The following GRAMD2B variants were observed in gnomAD, a reference collection of about 807,000 sequenced individuals.
GRAMD2B encodes GRAM domain-containing protein 2B.
Under a neutral mutation model 59.2 loss-of-function variants are expected in GRAMD2B, and 41 were observed. The observed-to-expected ratio is 0.69, with a 90% CI of 0.54 to 0.90. The LOEUF (loss-of-function observed/expected upper bound fraction) is 0.90, where lower values mean the gene tolerates loss of function less well. GRAMD2B is among the 40% of genes least tolerant of loss of function. GRAMD2B has a pLI of 0.00. For missense variants in GRAMD2B, 424 were observed against 500.5 expected (o/e 0.85, Z 1.46); for synonymous variants, 161 against 182.7 (o/e 0.88, Z 0.96).
chr5:126,423,549 G>A lies in GRAMD2B; in HGVS notation c.-58G>A. ...CGCACCCGGACCTAGAAGCCGGGAC[G>A]AGCCGGGGCAGAGCCAGGCGCGCGG... On this transcript the variant is annotated 5_prime_UTR_variant, in exon 1 of 14. Transcript: ENST00000285689. 6.3e-7 allele frequency: 1 copy of A among 1,579,552 alleles called. No individual in the cohort carries two copies. Among genetic ancestry groups the A allele is most frequent in the Non-Finnish European group, 8.6e-7 (1 of 1,164,458 alleles).
At chr5:126,435,048 G>C (rs369851534) in intron 1 of GRAMD2B, among the ~76,000 whole-genome samples, 17 of 152,272 alleles carry the variant, frequency 1.1e-4, no homozygotes, top group African/African-American at 3.9e-4. Context: ...ACTTTTATGT[G>C]CTATATCTTC....
At chr5:126,437,291 T>C (rs935606319) in intron 1 of GRAMD2B, among the ~76,000 whole-genome samples, 20 of 152,006 alleles carry the variant, frequency 1.3e-4, no homozygotes, top group African/African-American at 4.8e-4. Context: ...GGAAATAAAA[T>C]TGGAAGGACC....
intron 1 of GRAMD2B, among the ~76,000 whole-genome samples, chr5:126,452,617 C>A (rs1423640821): frequency 6.6e-6 from 1 of 152,170 alleles, no homozygotes; most frequent in African/African-American, 2.4e-5. Context: ...CACTCTATTC[C>A]TTATCATTCT....
chr5:126,462,283 A>G, intron 1 of GRAMD2B: 1 of 205,132 alleles, frequency 4.9e-6, no homozygotes, highest in Non-Finnish European at 8.6e-6. Context: ...TAAAGTTACT[A>G]AGTGGCCTGG....
At chr5:126,463,918 C>T (rs985004576) in intron 1 of GRAMD2B, among the ~76,000 whole-genome samples, 11 of 151,986 alleles carry the variant, frequency 7.2e-5, no homozygotes, top group African/African-American at 2.7e-4. Flanking sequence ...ACTTGGGAGG[C>T]TGAGGCAGGA....
chr5:126,484,617 A>G (rs62394186), intron 10 of GRAMD2B, 93 bp downstream of exon 10: 27,320 of 1,314,878 alleles, frequency 0.021, 341 homozygotes, highest in Middle Eastern at 0.035. Context: ...ATCTTGCTCT[A>G]TCACCCAGGC....
At chr5:126,460,150 G>A (rs1249205628) in intron 1 of GRAMD2B, among the ~76,000 whole-genome samples, 1 of 152,080 alleles carries the variant, frequency 6.6e-6, no homozygotes, top group Non-Finnish European at 1.5e-5. Context: ...AAAAAGCAAG[G>A]TGCAGAATAG....
At chr5:126,395,129 G>T (rs1173894047) in intron 1 of GRAMD2B, among the ~76,000 whole-genome samples, 2 of 151,868 alleles carry the variant, frequency 1.3e-5, no homozygotes, top group African/African-American at 4.8e-5. Context: ...CAGAAAAATA[G>T]AATAATAATG....
chr5:126,492,870 C>T (rs1291062821), intron 13 of GRAMD2B, 45 bp from the exon 14 acceptor site: 1 of 1,244,946 alleles, frequency 8.0e-7, no homozygotes. Context: ...CCTTAATATA[C>T]TCCATTCTAT....
chr5:126,430,270 A>G (rs1761351950), intron 1 of GRAMD2B, among the ~76,000 whole-genome samples: 1 of 152,216 alleles, frequency 6.6e-6, no homozygotes, highest in Admixed American at 6.5e-5. Context: ...AGATAGACAT[A>G]TGTAGCCGTC....
intron 1 of GRAMD2B, among the ~76,000 whole-genome samples, chr5:126,425,076 A>G (rs566491437): frequency 6.6e-6 from 1 of 152,336 alleles, no homozygotes; most frequent in South Asian, 2.1e-4. Context: ...CACACAGACC[A>G]TTGCAACCTC....
At position 126,473,364 on chromosome 5, in the gene GRAMD2B, C is replaced by T. The variant is rs375409294; in HGVS notation, c.482C>T (p.Thr161Ile). Residue 161 changes from threonine to isoleucine, a missense_variant, in exon 5 of 14, where the codon ACA becomes ATA. Transcript: ENST00000285689. ...CATTCCAAAGTCTTTGGAAAAGACA[C>T]AAAGGTTGGTATAATTAAAAAAAAA... Reference protein sequence around the residue: ...CFHSKVFGKDTKISIPAFSVT... With the variant: ...CFHSKVFGKDIKISIPAFSVT... The T allele has an allele frequency of 4.5e-6, 6 of 1,328,108 alleles. No homozygotes were observed. The African/African-American group carries it at 6.1e-5, about 13-fold the overall frequency. The allele number at this position is 1,328,108 out of a possible 1,614,324, so 82.3% of individuals were successfully genotyped here.
rs2149691557 is a variant in GRAMD2B at position 126,371,690 on chromosome 5, A to C, written c.125+123A>C. On this transcript the variant is annotated intron_variant, in intron 1 of 8. Coordinates refer to the GRAMD2B transcript ENST00000506445. Reference sequence around the variant, plus strand: ...GGTAGGGATCAGCCATGGGAAGAGAAGGTGCAGCCTAGGCATCCTGACCAG... The same window carrying C: ...GGTAGGGATCAGCCATGGGAAGAGACGGTGCAGCCTAGGCATCCTGACCAG... 11 of 892,020 alleles carry C rather than the reference A, an allele frequency of 1.2e-5. No homozygotes were observed. The South Asian group carries it at 1.9e-4, about 15-fold the overall frequency. The allele number at this position is 892,020 out of a possible 1,614,324, so 55.3% of individuals were successfully genotyped here. A position where few individuals can be genotyped will look rare whatever the true frequency, so the allele number is the denominator to read the frequency against.
At chr5:126,477,082 G>C (rs1334389954) in intron 5 of GRAMD2B, among the ~76,000 whole-genome samples, 1 of 152,194 alleles carries the variant, frequency 6.6e-6, no homozygotes, top group Non-Finnish European at 1.5e-5. Flanking sequence ...AACTGGCTGA[G>C]CATTCCTAAT....
intron 6 of GRAMD2B, among the ~76,000 whole-genome samples, chr5:126,478,420 A>G (rs1437342967): frequency 2.0e-5 from 3 of 152,188 alleles, no homozygotes; most frequent in African/African-American, 7.2e-5. Context: ...CCTGGGCAAC[A>G]GAGAAAGACC....
upstream of GRAMD2B, among the ~76,000 whole-genome samples, chr5:126,369,274 ATG>A (rs1580672404): frequency 1.4e-3 from 1 of 700 alleles, no homozygotes; most frequent in East Asian, 0.25. Context: ...TACTTGTTGA[ATG>A]AATGAATGAA....
At position 126,390,693 on chromosome 5, in the gene GRAMD2B, A is replaced by G. The variant is rs886959657; in HGVS notation, c.125+19126A>G. On this transcript the variant is annotated intron_variant, in intron 1 of 8. Transcript: ENST00000506445. ...GTGATAACTTTAATTCTGCTAGTCA[A>G]TTCTTGAGTTGGTCCAGCCAGTTCC... Among the ~76,000 whole-genome samples, 5 of 152,180 alleles carry G rather than the reference A, an allele frequency of 3.3e-5. No homozygotes were observed. In the South Asian group the frequency reaches 8.3e-4, roughly 25 times the overall value.
chr5:126,469,318 T>C (rs1320088348), intron 2 of GRAMD2B, among the ~76,000 whole-genome samples: 2 of 152,172 alleles, frequency 1.3e-5, no homozygotes, highest in African/African-American at 2.4e-5. Flanking sequence ...AGTATAATAA[T>C]CAAGATTTAT....
chr5:126,368,289 G>A (rs1385395315), upstream of GRAMD2B, among the ~76,000 whole-genome samples: 2 of 152,206 alleles, frequency 1.3e-5, no homozygotes, highest in East Asian at 3.9e-4. Context: ...AGGAGGGCTT[G>A]GGCAGAGGCC....
Sources: allele counts gnomAD v4.1 joint callset (sites outside exome capture counted in the v4.1 genomes callset), GRCh38; gene constraint gnomAD v4.1.1; transcripts MANE v1.5; gene names NCBI Gene and HGNC (gene_info 2026-07-23, HGNC 2026-07-21).